PARP1: variants seen among roughly 807,000 people sequenced by gnomAD.
PARP1 encodes poly(ADP-ribose) polymerase 1.
A neutral mutation model predicts 118.7 loss-of-function variants in PARP1; 44 were observed. The ratio of observed to expected loss-of-function variants is 0.37; its 90% CI spans 0.29 to 0.48. The LOEUF is 0.48. PARP1 is among the 20% of genes least tolerant of loss of function. The probability of loss-of-function intolerance (pLI) is 0.99; values close to 1 mark genes in which losing one functional copy is unlikely to be tolerated. For missense variants in PARP1, 1,100 were observed against 1,272.4 expected, an observed-to-expected ratio of 0.86 and a Z score of 2.06; for synonymous variants, 492 against 483.2, an observed-to-expected ratio of 1.02 and a Z score of -0.24.
chr1:226,368,773 T>C (rs1206772938), intron 15 of PARP1, among the ~76,000 whole-genome samples: 1 of 152,200 alleles, frequency 6.6e-6, no homozygotes, highest in African/African-American at 2.4e-5. Flanking sequence ...TGACCTTCAT[T>C]GGAATTAGTT....
At chr1:226,403,437 C>T (rs549263228) in intron 1 of PARP1, among the ~76,000 whole-genome samples, 4 of 152,198 alleles carry the variant, frequency 2.6e-5, no homozygotes, top group Non-Finnish European at 4.4e-5. Flanking sequence ...CTCGGCTTCC[C>T]GAAGTGCTGG....
intron 20 of PARP1, 53 bp downstream of exon 20, chr1:226,363,890 C>A: frequency 6.2e-7 from 1 of 1,604,708 alleles, no homozygotes; most frequent in Non-Finnish European, 8.5e-7. Flanking sequence ...GCCTATAGCC[C>A]ATTCCACCTG....
intron 15 of PARP1, among the ~76,000 whole-genome samples, chr1:226,369,723 G>C (rs916542522): frequency 1.3e-5 from 2 of 152,166 alleles, no homozygotes; most frequent in Non-Finnish European, 2.9e-5. Flanking sequence ...GGGAGGCTGA[G>C]GCAGGCGGAT....
chr1:226,375,218 TG>T (rs752575841), intron 13 of PARP1, among the ~76,000 whole-genome samples: 24 of 152,360 alleles, frequency 1.6e-4, no homozygotes, highest in Non-Finnish European at 3.4e-4. Flanking sequence ...CTCTCAGTGT[TG>T]AAACACCATC....
In PARP1 at chr1:226,379,173, G is replaced by A. The variant is rs148920242; in HGVS notation, c.1714C>T (p.Leu572=). ...IVKGTNSYYK[L]QLLEDDKENR... ...TCCTTGTCGTCCTCCAGAAGCTGCA[G>A]CTTGTAGTAGGAGTTGGTTCCTTTA... The change falls in exon 12 of 23, where the codon CTG becomes TTG. Residue 572 remains leucine, a synonymous_variant. Coordinates refer to ENST00000366794, the MANE Select transcript of PARP1 (RefSeq NM_001618.4). 89 of 1,614,118 alleles carry A rather than the reference G, an allele frequency of 5.5e-5. No individual in the cohort carries two copies. Among genetic ancestry groups the A allele is most frequent in the Non-Finnish European group, 6.6e-5 (78 of 1,180,042 alleles).
intron 19 of PARP1, chr1:226,364,338 G>A (rs2102726416): frequency 4.8e-6 from 2 of 420,152 alleles, no homozygotes; most frequent in South Asian, 4.1e-5. Context: ...GGGGAACACA[G>A]TCTCATGGAG....
intron 17 of PARP1, chr1:226,367,062 CCAT>C: frequency 3.7e-6 from 1 of 269,146 alleles, no homozygotes; most frequent in Non-Finnish European, 7.2e-6. Flanking sequence ...ATTACAGGTG[CCAT>C]CAAGCATTTC....
chr1:226,379,389 C>T, intron 11 of PARP1, 115 bp from the exon 12 acceptor site: 2 of 1,380,340 alleles, frequency 1.4e-6, no homozygotes, highest in South Asian at 1.2e-5. Context: ...TACCACCACC[C>T]TCGGGAGGCT....
At chr1:226,392,091 T>A in intron 3 of PARP1, 108 bp downstream of exon 3, 1 of 796,510 alleles carries the variant, frequency 1.3e-6, no homozygotes, top group Non-Finnish European at 2.2e-6. Context: ...ATCACTTACG[T>A]TGAGCTAGCA....
At position 226,379,218 on chromosome 1, in the gene PARP1, G is replaced by C; in HGVS notation, c.1669C>G (p.Leu557Val). The C allele has an allele frequency of 1.2e-6, 2 of 1,614,100 alleles. No individual in the cohort carries two copies. Among genetic ancestry groups the C allele is most frequent in the Non-Finnish European group, 1.7e-6 (2 of 1,179,904 alleles). Reference protein sequence around the residue: ...EKGGKVFSATLGLVDIVKGTN... With the variant: ...EKGGKVFSATVGLVDIVKGTN... ...CCTTTAACGATGTCCACCAGGCCAA[G>C]GGTGGCACTGAAGACCTTCCCACCT... Residue 557 changes from leucine to valine, a missense_variant, in exon 12 of 23, where the codon CTT becomes GTT. Transcript: ENST00000366794.
chr1:226,370,994 A>C, intron 14 of PARP1: 1 of 199,896 alleles, frequency 5.0e-6, no homozygotes, highest in Non-Finnish European at 1.0e-5. Flanking sequence ...AAAAGGACAC[A>C]CTCCTGAACT....
At chr1:226,370,837 G>A (rs1459415771) in intron 14 of PARP1, 4 of 373,800 alleles carry the variant, frequency 1.1e-5, no homozygotes, top group African/African-American at 2.1e-5. Flanking sequence ...CAATTCTGAT[G>A]TGCAGATGAG....
intron 1 of PARP1, among the ~76,000 whole-genome samples, chr1:226,404,501 A>G (rs1289516195): frequency 3.9e-5 from 6 of 152,330 alleles, no homozygotes; most frequent in African/African-American, 1.4e-4. Flanking sequence ...TGGCTCTGCC[A>G]GGGGCCCCAG....
At chr1:226,404,723 C>A (rs1015480471) in intron 1 of PARP1, among the ~76,000 whole-genome samples, 43 of 152,228 alleles carry the variant, frequency 2.8e-4, no homozygotes, top group African/African-American at 9.7e-4. Context: ...ACAAGACTAT[C>A]GACTCCATTT....
At chr1:226,379,006 G>GT in intron 12 of PARP1, 136 bp downstream of exon 12, 1 of 1,055,834 alleles carries the variant, frequency 9.5e-7, no homozygotes, top group Non-Finnish European at 1.5e-6. Context: ...CTTATAATTT[G>GT]TTTTTGATCT....
chr1:226,361,883 G>A, intron 22 of PARP1, 86 bp downstream of exon 22: 2 of 829,356 alleles, frequency 2.4e-6, no homozygotes, highest in Middle Eastern at 2.2e-4. Flanking sequence ...ATCCTTGTCT[G>A]CCCCAGGTAA....
chr1:226,402,025 C>T, intron 2 of PARP1, 189 bp downstream of exon 2: 2 of 1,504,838 alleles, frequency 1.3e-6, no homozygotes, highest in East Asian at 2.5e-5. Context: ...AAACAAAATA[C>T]CAAATATCAT....
chr1:226,392,348 A>G, intron 2 of PARP1, 34 bp from the exon 3 acceptor site: 2 of 1,489,040 alleles, frequency 1.3e-6, no homozygotes, highest in Admixed American at 1.7e-5. Context: ...TGCTCATCTC[A>G]ACAGCCCCAA....
rs763555236 is a variant in PARP1, at chr1:226,380,137, A to C, written c.1328T>G (p.Met443Arg). Reference protein sequence around the residue: ...KKEVEKMNKKMEEVKEANIRV... With the variant: ...KKEVEKMNKKREEVKEANIRV... Reference sequence around the variant, plus strand: ...GATGTTGGCTTCCTTTACTTCCTCCATCTTCTTATTCATCTTTTCCACCTC... The same window carrying C: ...GATGTTGGCTTCCTTTACTTCCTCCCTCTTCTTATTCATCTTTTCCACCTC... The change falls in exon 10 of 23, where the codon ATG becomes AGG. Residue 443 changes from methionine to arginine, a missense_variant. Met to Arg is a moderately conservative substitution (Grantham distance 91). Coordinates refer to ENST00000366794, the MANE Select transcript of PARP1 (RefSeq NM_001618.4). 4 of 1,614,178 alleles carry C rather than the reference A, an allele frequency of 2.5e-6. No individual in the cohort carries two copies. Among genetic ancestry groups the C allele is most frequent in the Non-Finnish European group, 3.4e-6 (4 of 1,180,014 alleles).
Sources: gnomAD v4.1 joint callset for allele counts (sites outside exome capture counted in the v4.1 genomes callset) on GRCh38, gnomAD v4.1.1 for gene constraint, MANE v1.5 for transcripts, NCBI Gene and HGNC (gene_info 2026-07-23, HGNC 2026-07-21) for gene names.